Variants in VAV3 observed in about 807,000 individuals in gnomAD.
The protein encoded by VAV3 is vav guanine nucleotide exchange factor 3.
In VAV3, 94 loss-of-function variants were observed where a neutral mutation model predicts 131.2. The ratio of observed to expected loss-of-function variants is 0.72; its 90% CI spans 0.61 to 0.85. The LOEUF (loss-of-function observed/expected upper bound fraction) is 0.85. Ranked by LOEUF, VAV3 falls within the 40% of genes least tolerant of loss-of-function variation. The probability of loss-of-function intolerance (pLI) is 0.00; values close to 1 mark genes in which losing one functional copy is unlikely to be tolerated. For synonymous variants in VAV3, 349 were observed against 342.0 expected (o/e 1.02, Z -0.22); for missense variants, 939 against 1,002.7 (o/e 0.94, Z 0.86).
chr1:107,952,042 T>G (rs1024742173), intron 1 of VAV3, among the ~76,000 whole-genome samples: 2 of 152,138 alleles, frequency 1.3e-5, no homozygotes. Context: ...ACAGCACTAT[T>G]CACAATAGCA....
At chr1:107,647,746 C>A (rs1655841872) in intron 19 of VAV3, among the ~76,000 whole-genome samples, 1 of 152,024 alleles carries the variant, frequency 6.6e-6, no homozygotes, top group African/African-American at 2.4e-5. Context: ...ATGACCAACA[C>A]CTACCACTGC....
At chr1:107,667,863 T>C (rs1657521757) in intron 19 of VAV3, among the ~76,000 whole-genome samples, 1 of 152,174 alleles carries the variant, frequency 6.6e-6, no homozygotes, top group Non-Finnish European at 1.5e-5. Flanking sequence ...CTATGTGGAA[T>C]GAGCTTCCTT....
In VAV3 at chr1:107,814,893, T is replaced by G. The variant is rs917039710; in HGVS notation, c.322-35401A>C. ...ATTTCAACATCTTGAAAACTCAAAT[T>G]GGGTTTATATCTTCAGTAATAGAGA... On this transcript the variant is annotated intron_variant, in intron 2 of 26. Transcript: ENST00000370056. Among the ~76,000 whole-genome samples the G allele has an allele frequency of 4.6e-5, 7 of 152,258 alleles. No individual in the cohort carries two copies. In the East Asian group the frequency reaches 7.7e-4, roughly 17 times the overall value.
chr1:107,590,698 CA>C (rs1256254904), intron 25 of VAV3, among the ~76,000 whole-genome samples: 1 of 152,082 alleles, frequency 6.6e-6, no homozygotes, highest in Non-Finnish European at 1.5e-5. Context: ...GCCAGTTGTC[CA>C]AAGCAAATAC....
chr1:107,752,572 T>C (rs868531384), intron 12 of VAV3, among the ~76,000 whole-genome samples: 5 of 152,296 alleles, frequency 3.3e-5, no homozygotes, highest in African/African-American at 1.2e-4. Context: ...GATTGATATC[T>C]GGGATACAAA....
chr1:107,618,910 G>T (rs1653364529), intron 20 of VAV3, among the ~76,000 whole-genome samples: 1 of 152,198 alleles, frequency 6.6e-6, no homozygotes, highest in East Asian at 1.9e-4. Context: ...TAAAGGTGTT[G>T]TATGTTTTAG....
intron 17 of VAV3, among the ~76,000 whole-genome samples, chr1:107,699,658 C>T (rs748292867): frequency 2.3e-4 from 35 of 152,312 alleles, no homozygotes; most frequent in African/African-American, 6.3e-4. Context: ...TGCAGCAGAC[C>T]GCTGCCTGGG....
intron 20 of VAV3, 64 bp from the exon 21 acceptor site, chr1:107,617,696 G>T: frequency 7.1e-7 from 1 of 1,417,768 alleles, no homozygotes; most frequent in Non-Finnish European, 1.0e-6. Context: ...ACCCCATGAT[G>T]CCCCATACAT....
chr1:107,761,200 T>C (rs528288800), intron 9 of VAV3, among the ~76,000 whole-genome samples: 57 of 152,048 alleles, frequency 3.7e-4, no homozygotes, highest in South Asian at 2.1e-3. Context: ...CCATCCTGGC[T>C]AACATGGTGA....
intron 15 of VAV3, among the ~76,000 whole-genome samples, chr1:107,726,060 ATATTATGC>A (rs1389137190): frequency 6.6e-6 from 1 of 152,214 alleles, no homozygotes; most frequent in Non-Finnish European, 1.5e-5. Flanking sequence ...AAAGATTTTA[ATATTATGC>A]TATCAATATC....
At chr1:107,679,603 C>T (rs1333061479) in intron 19 of VAV3, among the ~76,000 whole-genome samples, 1 of 152,142 alleles carries the variant, frequency 6.6e-6, no homozygotes, top group African/African-American at 2.4e-5. Flanking sequence ...CCCTGGTATA[C>T]AGATTTGCCA....
rs764955911 is a variant in VAV3, at chr1:107,573,324, T to A, written c.*7A>T. ...TTTTGGTGCAGGGTGCAACACGGGA[T>A]TTGAATTTATTCATCCTCTTCCACA... On this transcript the variant is annotated 3_prime_UTR_variant, in exon 27 of 27. Transcript: ENST00000370056. The A allele has an allele frequency of 6.2e-7, 1 of 1,613,974 alleles. No homozygotes were observed. The highest frequency in any genetic ancestry group is 1.7e-5 in the Admixed American group (1 of 59,978).
intron 17 of VAV3, among the ~76,000 whole-genome samples, chr1:107,696,594 T>C (rs554498402): frequency 4.6e-5 from 7 of 152,334 alleles, no homozygotes; most frequent in Admixed American, 2.6e-4. Flanking sequence ...AGTTAGACTA[T>C]GTTAAACATT....
At chr1:107,717,452 G>C (rs2101902952) in intron 15 of VAV3, among the ~76,000 whole-genome samples, 1 of 152,186 alleles carries the variant, frequency 6.6e-6, no homozygotes, top group African/African-American at 2.4e-5. Flanking sequence ...TGTTCTCATT[G>C]GTTTCAAAGA....
chr1:107,902,343 CA>C (rs1671902091), intron 1 of VAV3, among the ~76,000 whole-genome samples: 1 of 152,118 alleles, frequency 6.6e-6, no homozygotes, highest in African/African-American at 2.4e-5. Flanking sequence ...GTAATTGTTT[CA>C]ATTTTTTTTA....
rs753722757 is a variant in VAV3 at position 107,743,405 on chromosome 1, C to G, written c.1502+5563G>C. On this transcript the variant is annotated intron_variant, in intron 15 of 26. Transcript: ENST00000370056. ...AGTGGAGAGAGGGGGCTGTATCAAG[C>G]GTAATTCTTGGGACTCTGTATGTTG... Among the ~76,000 whole-genome samples, 3 of 151,994 alleles carry G rather than the reference C, an allele frequency of 2.0e-5. No individual in the cohort carries two copies. In the South Asian group the frequency reaches 6.2e-4, roughly 31 times the overall value.
At chr1:107,729,279 A>G (rs1662070503) in intron 15 of VAV3, among the ~76,000 whole-genome samples, 1 of 152,190 alleles carries the variant, frequency 6.6e-6, no homozygotes, top group Non-Finnish European at 1.5e-5. Flanking sequence ...ACTATCAGAG[A>G]ACAGATCCCT....
At chr1:107,860,120 A>T (rs1669667696) in intron 2 of VAV3, among the ~76,000 whole-genome samples, 1 of 152,024 alleles carries the variant, frequency 6.6e-6, no homozygotes, top group South Asian at 2.1e-4. Flanking sequence ...AATATGGTCA[A>T]ATGTTAGTTT....
chr1:107,923,315 AG>A (rs1406858023), intron 1 of VAV3, among the ~76,000 whole-genome samples: 1 of 152,120 alleles, frequency 6.6e-6, no homozygotes, highest in East Asian at 1.9e-4. Flanking sequence ...TATGGTTTGA[AG>A]GTTTGTGTCT....
Sources: allele counts gnomAD v4.1 joint callset (sites outside exome capture counted in the v4.1 genomes callset), GRCh38; gene constraint gnomAD v4.1.1; transcripts MANE v1.5; gene names NCBI Gene and HGNC (gene_info 2026-07-23, HGNC 2026-07-21).